The following DARS2 variants were observed in gnomAD, a reference collection of about 807,000 sequenced individuals.
DARS2 encodes aspartyl-tRNA synthetase 2, mitochondrial, also known as aspartate--tRNA ligase, mitochondrial.
Under a neutral mutation model 83.0 loss-of-function variants are expected in DARS2, and 63 were observed. The ratio of observed to expected loss-of-function variants is 0.76; its 90% confidence interval spans 0.62 to 0.94. The LOEUF (loss-of-function observed/expected upper bound fraction) is 0.94, where lower values mean the gene tolerates loss of function less well. Ranked by LOEUF, DARS2 falls within the 40% of genes least tolerant of loss-of-function variation. The pLI, the probability that DARS2 is intolerant of heterozygous loss-of-function variation, is 0.00. For missense variants in DARS2, 675 were observed against 774.4 expected (o/e 0.87, Z 1.52); for synonymous variants, 250 against 269.3 (o/e 0.93, Z 0.70).
At chr1:173,851,910 G>A (rs1557862916) in intron 13 of DARS2, 2 of 985,078 alleles carry the variant, frequency 2.0e-6, no homozygotes, top group South Asian at 4.7e-5. Context: ...GTAAAATGAA[G>A]AAAGCTATTT....
intron 2 of DARS2, among the ~76,000 whole-genome samples, chr1:173,827,667 A>T (rs997040459): frequency 3.9e-5 from 6 of 152,006 alleles, no homozygotes; most frequent in African/African-American, 1.4e-4. Context: ...GTAGGTGGAT[A>T]TTTTTCCCAT....
At chr1:173,827,041 A>G (rs969574932) in intron 2 of DARS2, among the ~76,000 whole-genome samples, 9 of 152,174 alleles carry the variant, frequency 5.9e-5, no homozygotes, top group African/African-American at 2.2e-4. Context: ...ATAACAACGA[A>G]GCTTGATCCA....
chr1:173,847,513 A>G (rs750851794), intron 12 of DARS2, among the ~76,000 whole-genome samples: 1 of 151,928 alleles, frequency 6.6e-6, no homozygotes, highest in South Asian at 2.1e-4. Context: ...GGGTATTACT[A>G]CTACTATTTT....
At chr1:173,847,071 A>T (rs1653462941) in intron 12 of DARS2, among the ~76,000 whole-genome samples, 1 of 152,170 alleles carries the variant, frequency 6.6e-6, no homozygotes, top group African/African-American at 2.4e-5. Flanking sequence ...CCCAAGCCTC[A>T]TACCTCAAGC....
At chr1:173,856,199 A>G (rs1210405423) in intron 15 of DARS2, among the ~76,000 whole-genome samples, 1 of 152,156 alleles carries the variant, frequency 6.6e-6, no homozygotes, top group Non-Finnish European at 1.5e-5. Flanking sequence ...CAACATTTCT[A>G]CATGTACTGC....
chr1:173,849,978 C>T (rs1340741962), intron 12 of DARS2, among the ~76,000 whole-genome samples: 1 of 151,384 alleles, frequency 6.6e-6, no homozygotes, highest in African/African-American at 2.4e-5. Flanking sequence ...ATGCCTCAGC[C>T]TCCTGAGTAG....
intron 15 of DARS2, 50 bp downstream of exon 15, chr1:173,853,955 T>C (rs775478892): frequency 6.6e-7 from 1 of 1,511,218 alleles, no homozygotes; most frequent in East Asian, 2.3e-5. Context: ...CCAGAATATT[T>C]TTCAGTTTTG....
intron 7 of DARS2, among the ~76,000 whole-genome samples, chr1:173,834,747 T>G (rs1314520835): frequency 1.4e-4 from 20 of 138,518 alleles, no homozygotes; most frequent in African/African-American, 3.8e-4. Context: ...TTTTTTTTTT[T>G]TTTTTTTTTT....
intron 15 of DARS2, 53 bp from the exon 16 acceptor site, chr1:173,856,613 C>A: frequency 1.3e-6 from 2 of 1,512,024 alleles, no homozygotes; most frequent in Non-Finnish European, 1.8e-6. Context: ...TAGATGGTGG[C>A]ACTTAGTGGA....
rs1342758784 is a variant in DARS2, at chr1:173,838,272, A to G, written c.840+13A>G. 6.2e-7 allele frequency: 1 copy of G among 1,603,112 alleles called. No individual in the cohort carries two copies. The highest frequency in any genetic ancestry group is 8.5e-7 in the Non-Finnish European group (1 of 1,170,160). ...TGAGTTTACTCAGGTACAAAGTTAT[A>G]TTCACTTGTTTCTTAAAATTCAGGC... is the stretch of plus-strand genomic sequence containing the variant. On this transcript the variant is annotated intron_variant, in intron 9 of 16. Transcript: ENST00000649689.
chr1:173,853,748 G>C, intron 14 of DARS2, 47 bp from the exon 15 acceptor site: 1 of 1,580,410 alleles, frequency 6.3e-7, no homozygotes, highest in Non-Finnish European at 8.7e-7. Flanking sequence ...CCGTAGAACA[G>C]AAAACCAGAC....
At chr1:173,830,322 A>G (rs1234402192) in intron 3 of DARS2, among the ~76,000 whole-genome samples, 1 of 152,166 alleles carries the variant, frequency 6.6e-6, no homozygotes, top group African/African-American at 2.4e-5. Flanking sequence ...CATTATTGCT[A>G]TGGGATTTAA....
Position 173,826,304 on chromosome 1 carries a change from ACTAAAG to A in DARS2, c.128-377_128-372del, listed in dbSNP as rs1357876651. ...AGTGGCTGTTAAACACTAGATTCATACTAAAGCTAAATAGTTCCTACACCGTCCATT... is the reference window on the plus strand; with the variant it reads ...AGTGGCTGTTAAACACTAGATTCATACTAAATAGTTCCTACACCGTCCATT... On this transcript the variant is annotated intron_variant, in intron 1 of 16. Transcript: ENST00000649689. 2.0e-5 allele frequency among the ~76,000 whole-genome samples: 3 copies of A among 152,166 alleles called. No individual in the cohort carries two copies. In the East Asian group the frequency reaches 5.8e-4, roughly 29 times the overall value.
intron 13 of DARS2, chr1:173,852,258 C>T: frequency 1.0e-6 from 1 of 985,124 alleles, no homozygotes; most frequent in Non-Finnish European, 1.2e-6. Flanking sequence ...GTCCTGCATA[C>T]CATAGGTAGC....
intron 13 of DARS2, chr1:173,851,796 TTCTAA>T: frequency 1.0e-6 from 1 of 981,120 alleles, no homozygotes; most frequent in Admixed American, 6.1e-5. Flanking sequence ...AAGTTCTTTC[TTCTAA>T]TCTATATTTT....
At chr1:173,825,416 G>A (rs1571973875) in intron 1 of DARS2, 60 bp downstream of exon 1, 2 of 1,537,118 alleles carry the variant, frequency 1.3e-6, no homozygotes, top group Non-Finnish European at 1.8e-6. Flanking sequence ...TCTACGGCCG[G>A]AGAGCTTTTA....
intron 4 of DARS2, 35 bp from the exon 5 acceptor site, chr1:173,831,500 G>T: frequency 6.9e-7 from 1 of 1,450,518 alleles, no homozygotes; most frequent in Non-Finnish European, 9.7e-7. Context: ...ATCCTGATGA[G>T]TAATTTTTAA....
intron 7 of DARS2, among the ~76,000 whole-genome samples, chr1:173,834,732 GTTTTTT>G: frequency 9.2e-5 from 2 of 21,696 alleles, no homozygotes; most frequent in African/African-American, 3.6e-4. Flanking sequence ...GAGTTTTTTT[GTTTTTT>G]TTTTTTTTTT....
rs754191207 is a variant in DARS2 at position 173,857,558 on chromosome 1, C to T, written c.1791C>T (p.Ser597=). 4 of 1,614,170 alleles carry T rather than the reference C, an allele frequency of 2.5e-6. No individual in the cohort carries two copies. Among genetic ancestry groups the T allele is most frequent in the Non-Finnish European group, 3.4e-6 (4 of 1,180,028 alleles). Reference sequence around the variant, plus strand: ...TATGCCTTGTCACTGGATCTCCAAGCATCAGAGATGTCATAGCCTTCCCAA... The same window carrying T: ...TATGCCTTGTCACTGGATCTCCAAGTATCAGAGATGTCATAGCCTTCCCAA... ...RLICLVTGSP[S]IRDVIAFPKS... is the part of the protein sequence containing the mutation. Residue 597 remains serine (S), a synonymous_variant, in exon 17 of 17, where the codon AGC becomes AGT. Coordinates refer to ENST00000649689, the MANE Select transcript of DARS2 (RefSeq NM_018122.5).
Sources: allele counts gnomAD v4.1 joint callset (sites outside exome capture counted in the v4.1 genomes callset), GRCh38; gene constraint gnomAD v4.1.1; transcripts MANE v1.5; gene names NCBI Gene and HGNC (gene_info 2026-07-23, HGNC 2026-07-21).